The following BCKDHB variants were observed in gnomAD, a reference collection of about 807,000 sequenced individuals.
BCKDHB encodes the protein branched chain keto acid dehydrogenase E1 subunit beta, also known as 2-oxoisovalerate dehydrogenase subunit beta, mitochondrial.
In BCKDHB, 41 loss-of-function variants were observed where a neutral mutation model predicts 48.5. The observed-to-expected ratio is 0.85, with a 90% CI of 0.66 to 1.10. BCKDHB has a LOEUF of 1.10. BCKDHB is among the 50% of genes least tolerant of loss of function. The probability of loss-of-function intolerance (pLI) is 0.00; values close to 1 mark genes in which losing one functional copy is unlikely to be tolerated. For synonymous variants in BCKDHB, 201 were observed against 174.8 expected (o/e 1.15, Z -1.18); for missense variants, 496 against 494.2 (o/e 1.00, Z -0.03).
At chr6:80,382,763 G>T in the BCKDHB span, among the ~76,000 whole-genome samples, 1 of 152,022 alleles carries the variant, frequency 6.6e-6, no homozygotes. Flanking sequence ...GCCAATAAAT[G>T]AAATATAATC....
the BCKDHB span, among the ~76,000 whole-genome samples, chr6:80,466,521 T>A: frequency 6.6e-6 from 1 of 152,074 alleles, no homozygotes; most frequent in Non-Finnish European, 1.5e-5. Flanking sequence ...ACACACACAA[T>A]ATATATATAA....
chr6:80,431,366 G>T, the BCKDHB span, among the ~76,000 whole-genome samples: 1 of 152,138 alleles, frequency 6.6e-6, no homozygotes, highest in African/African-American at 2.4e-5. Context: ...TCCAAGTCCT[G>T]AATATCCTTG....
At chr6:80,363,949 T>C in the BCKDHB span, among the ~76,000 whole-genome samples, 1 of 152,198 alleles carries the variant, frequency 6.6e-6, no homozygotes, top group Non-Finnish European at 1.5e-5. Flanking sequence ...CCGGGCTACT[T>C]CTAAGGAGAA....
At chr6:80,142,772 A>G (rs969258693) in intron 3 of BCKDHB, among the ~76,000 whole-genome samples, 1 of 152,070 alleles carries the variant, frequency 6.6e-6, no homozygotes, top group East Asian at 1.9e-4. Context: ...TTTCTTTTCT[A>G]AAGAAAAACC....
At chr6:80,294,615 T>C (rs1307715648) in intron 9 of BCKDHB, among the ~76,000 whole-genome samples, 8 of 152,174 alleles carry the variant, frequency 5.3e-5, no homozygotes, top group Admixed American at 4.6e-4. Flanking sequence ...GGGAGGTCTA[T>C]AAACGACCAC....
intron 8 of BCKDHB, among the ~76,000 whole-genome samples, chr6:80,240,935 G>T (rs562172873): frequency 3.3e-5 from 5 of 152,246 alleles, no homozygotes; most frequent in Admixed American, 6.5e-5. Context: ...ATTTCTTAGA[G>T]GCTTTTTTCG....
chr6:80,418,259 C>T, the BCKDHB span, among the ~76,000 whole-genome samples: 1 of 151,432 alleles, frequency 6.6e-6, no homozygotes, highest in South Asian at 2.1e-4. Flanking sequence ...GATCTTTGTT[C>T]CTATCCATAT....
Position 80,203,146 on chromosome 6 carries a change from T to C in BCKDHB, c.885T>C (p.Leu295=). ...TAGCTTCCATGGCAAAAGAAAAGCT[T>C]GGAGTGTCTTGTGAAGTCATTGATC... ...REVASMAKEK[L]GVSCEVIDLR... is the part of the protein sequence containing the mutation. The change falls in exon 8 of 10, where the codon CTT becomes CTC. Residue 295 remains leucine (L), a synonymous_variant. Transcript: ENST00000320393. 1.2e-6 allele frequency: 2 copies of C among 1,613,098 alleles called. No individual in the cohort carries two copies.
At chr6:80,372,773 C>T in the BCKDHB span, among the ~76,000 whole-genome samples, 1 of 152,246 alleles carries the variant, frequency 6.6e-6, no homozygotes, top group Admixed American at 6.5e-5. Flanking sequence ...GTATGTTAAA[C>T]AATCCCTGCA....
chr6:80,171,435 T>G, intron 6 of BCKDHB, 45 bp downstream of exon 6: 2 of 1,210,836 alleles, frequency 1.7e-6, no homozygotes, highest in Non-Finnish European at 2.4e-6. Context: ...CTTTATATAC[T>G]TTGTTTTTTA....
intron 9 of BCKDHB, among the ~76,000 whole-genome samples, chr6:80,310,050 A>G (rs1244947460): frequency 1.3e-5 from 2 of 151,294 alleles, no homozygotes; most frequent in Non-Finnish European, 2.9e-5. Flanking sequence ...TTATGACTAC[A>G]TGATATTGCA....
At chr6:80,221,293 C>T (rs78387803) in intron 8 of BCKDHB, among the ~76,000 whole-genome samples, 2 of 152,268 alleles carry the variant, frequency 1.3e-5, no homozygotes, top group East Asian at 3.9e-4. Flanking sequence ...TGTTCAGTCT[C>T]TCTTGTCTAA....
At chr6:80,417,548 C>A in the BCKDHB span, among the ~76,000 whole-genome samples, 1 of 152,128 alleles carries the variant, frequency 6.6e-6, no homozygotes, top group Admixed American at 6.5e-5. Context: ...AACGAATTTC[C>A]TCAGCATTTG....
chr6:80,407,415 G>A, the BCKDHB span, among the ~76,000 whole-genome samples: 1 of 152,102 alleles, frequency 6.6e-6, no homozygotes, highest in Non-Finnish European at 1.5e-5. Context: ...TAGCTTGATG[G>A]GGATGGCATT....
In BCKDHB at chr6:80,318,338, G is replaced by A. The variant is rs549905721; in HGVS notation, c.1039-25326G>A. 2.0e-5 allele frequency among the ~76,000 whole-genome samples: 3 copies of A among 152,164 alleles called. No individual in the cohort carries two copies. In the East Asian group the frequency reaches 5.8e-4, roughly 29 times the overall value. ...GGATGGATGTCTGTATATACAGTTG[G>A]TCCTCTGTATGTATCCCTGTGTTCT... On this transcript the variant is annotated intron_variant, in intron 9 of 9. Coordinates refer to ENST00000320393, the MANE Select transcript of BCKDHB (RefSeq NM_183050.4).
intron 9 of BCKDHB, among the ~76,000 whole-genome samples, chr6:80,338,292 A>T (rs527729300): frequency 2.7e-4 from 41 of 152,258 alleles, no homozygotes; most frequent in Admixed American, 1.6e-3. Flanking sequence ...CCAGTTGTCT[A>T]TTGGGCTTTT....
chr6:80,328,585 A>G (rs1199159932), intron 9 of BCKDHB, among the ~76,000 whole-genome samples: 1 of 152,232 alleles, frequency 6.6e-6, no homozygotes, highest in Non-Finnish European at 1.5e-5. Context: ...TAGAATTTTC[A>G]AACAATCAGA....
chr6:80,288,602 G>A (rs536359295), intron 9 of BCKDHB, among the ~76,000 whole-genome samples: 1 of 152,184 alleles, frequency 6.6e-6, no homozygotes, highest in South Asian at 2.1e-4. Context: ...GGAATAATGA[G>A]TATTTGCCAA....
At position 80,296,710 on chromosome 6, in the gene BCKDHB, A is replaced by G. The variant is rs568084778; in HGVS notation, c.1038+23489A>G. 2.2e-4 allele frequency among the ~76,000 whole-genome samples: 34 copies of G among 152,186 alleles called. No homozygotes were observed. The Middle Eastern group carries it at 0.01, about 46-fold the overall frequency. ...AAAAACCTGTTGTGCTTTTATTCCA[A>G]TGTTTAATTTATGGAAAAACTGAAT... On this transcript the variant is annotated intron_variant, in intron 9 of 9. Coordinates refer to ENST00000320393, the MANE Select transcript of BCKDHB (RefSeq NM_183050.4).
Sources: gnomAD v4.1 joint callset for allele counts (sites outside exome capture counted in the v4.1 genomes callset) on GRCh38, gnomAD v4.1.1 for gene constraint, MANE v1.5 for transcripts, NCBI Gene and HGNC (gene_info 2026-07-23, HGNC 2026-07-21) for gene names.